Variants in UPF2 observed in about 807,000 individuals in gnomAD.
UPF2 encodes regulator of nonsense transcripts 2.
UPF2 carries 17 observed loss-of-function variants against 141.4 expected under a neutral mutation model. That is an observed-to-expected ratio of 0.12 (90% CI 0.08 to 0.18). The LOEUF is 0.18. Among genes scored for constraint, UPF2 ranks in the 10% least tolerant of loss-of-function variants. The probability of loss-of-function intolerance (pLI) is 1.00; values close to 1 mark genes in which losing one functional copy is unlikely to be tolerated. For missense variants in UPF2, 1,152 were observed against 1,515.9 expected, an observed-to-expected ratio of 0.76 and a Z score of 3.99; for synonymous variants, 540 against 498.0, an observed-to-expected ratio of 1.08 and a Z score of -1.12.
chr10:12,001,402 G>A (rs915730377), intron 6 of UPF2, among the ~76,000 whole-genome samples: 3 of 151,966 alleles, frequency 2.0e-5, no homozygotes, highest in Non-Finnish European at 2.9e-5. Flanking sequence ...GGACAAGAGT[G>A]AGACTTAGTT....
At position 11,959,629 on chromosome 10, in the gene UPF2, G is replaced by A. The variant is rs746151528; in HGVS notation, c.2185-273C>T. On this transcript the variant is annotated intron_variant, in intron 11 of 21. Coordinates refer to ENST00000357604, the MANE Select transcript of UPF2 (RefSeq NM_015542.4). This position sits in a 1 kb window ranked among gnomAD's most constrained non-coding sequence, Gnocchi z 5.9. The stretch of plus-strand genomic sequence containing the variant: ...ACAAAAATTAGCCAGGTGTGGTGGC[G>A]CACACCTGTAGTCCCAGCTACTTGG... 3.3e-5 allele frequency among the ~76,000 whole-genome samples: 5 copies of A among 151,910 alleles called. No homozygotes were observed. The highest frequency in any genetic ancestry group is 1.3e-4 in the Admixed American group (2 of 15,246).
At chr10:11,942,997 G>T in intron 17 of UPF2, 67 bp downstream of exon 17, 1 of 1,170,648 alleles carries the variant, frequency 8.5e-7, no homozygotes, top group South Asian at 1.4e-5. Flanking sequence ...TCAGTTTCGT[G>T]ACTAAAATTC....
intron 8 of UPF2, among the ~76,000 whole-genome samples, chr10:11,990,056 A>C (rs192617057): frequency 2.0e-5 from 3 of 152,372 alleles, no homozygotes; most frequent in Admixed American, 2.0e-4. Context: ...TTAATGTAAG[A>C]AAACATGAAC....
intron 11 of UPF2, among the ~76,000 whole-genome samples, chr10:11,963,212 T>A (rs377472836): frequency 1.3e-5 from 2 of 152,294 alleles, no homozygotes; most frequent in East Asian, 1.9e-4. Context: ...TTACAGCACC[T>A]ACGACACTGT....
In UPF2 at chr10:11,936,827, G is replaced by A. The variant is rs1316229225; in HGVS notation, c.3379-115C>T. ...TTCTTAAAACACAACAATCATAAGA[G>A]CCATAACAGTCAACAATTACAACCA... On this transcript the variant is annotated intron_variant, in intron 18 of 21. Coordinates refer to ENST00000357604, the MANE Select transcript of UPF2 (RefSeq NM_015542.4). The surrounding 1 kb of genome is among the most constrained non-coding windows in gnomAD (Gnocchi z 6.6). The A allele has an allele frequency of 9.9e-7, 1 of 1,008,722 alleles. No homozygotes were observed. Among genetic ancestry groups the A allele is most frequent in the African/African-American group, 1.7e-5 (1 of 60,052 alleles). The allele number at this position is 1,008,722 out of a possible 1,614,324, so 62.5% of individuals were successfully genotyped here. A position where few individuals can be genotyped will look rare whatever the true frequency, so the allele number is the denominator to read the frequency against.
intron 1 of UPF2, among the ~76,000 whole-genome samples, chr10:12,039,218 T>C (rs183795155): frequency 3.3e-5 from 5 of 152,326 alleles, no homozygotes; most frequent in Admixed American, 3.3e-4. Flanking sequence ...CCAAGTAACT[T>C]GACCAAGGCC....
At chr10:11,938,868 T>TTTTTTTTTTTTTTTTTTTTTTG (rs1832897282) in intron 18 of UPF2, among the ~76,000 whole-genome samples, 17 of 90,856 alleles carry the variant, frequency 1.9e-4, no homozygotes, top group African/African-American at 3.7e-4. Context: ...TTTTTTTTTT[T>TTTTTTTTTTTTTTTTTTTTTTG]TTTTTTTTTT....
At chr10:11,922,075 C>T (rs1243427361) in intron 21 of UPF2, among the ~76,000 whole-genome samples, 4 of 152,064 alleles carry the variant, frequency 2.6e-5, no homozygotes, top group East Asian at 1.9e-4. Flanking sequence ...AAGACAAAGG[C>T]GGAGACCAGG....
At chr10:11,957,122 G>C (rs1477476282) in intron 12 of UPF2, among the ~76,000 whole-genome samples, 2 of 151,830 alleles carry the variant, frequency 1.3e-5, no homozygotes, top group Non-Finnish European at 2.9e-5. Context: ...GCCCAGTATG[G>C]AGTAGGTCTT....
chr10:12,015,922 G>A (rs1186904665), intron 3 of UPF2, among the ~76,000 whole-genome samples: 1 of 151,984 alleles, frequency 6.6e-6, no homozygotes, highest in African/African-American at 2.4e-5. Flanking sequence ...TTAGTAAAAT[G>A]TTGAAATAGT....
intron 19 of UPF2, among the ~76,000 whole-genome samples, chr10:11,934,554 A>T (rs1832821482): frequency 6.6e-6 from 1 of 152,164 alleles, no homozygotes; most frequent in Non-Finnish European, 1.5e-5. Context: ...CATGCCGTGA[A>T]GTCTTTGCCA....
In UPF2 at chr10:11,979,291, G is replaced by A. The variant is rs963255387; in HGVS notation, c.1845-126C>T. On this transcript the variant is annotated intron_variant, in intron 8 of 21. Coordinates refer to ENST00000357604, the MANE Select transcript of UPF2 (RefSeq NM_015542.4). The surrounding 1 kb of genome is among the most constrained non-coding windows in gnomAD (Gnocchi z 6.2). ...TTAAAACTCATAATCATACAGACATGCCTATTTATTGCCATCATAAAGAAG... is the reference window on the plus strand; with the variant it reads ...TTAAAACTCATAATCATACAGACATACCTATTTATTGCCATCATAAAGAAG... 8.8e-6 allele frequency: 5 copies of A among 569,170 alleles called. No homozygotes were observed. Among genetic ancestry groups the A allele is most frequent in the Admixed American group, 3.3e-5 (1 of 30,082 alleles). 35.3% of individuals were successfully genotyped at this position (569,170 alleles called of 1,614,324 possible). A position where few individuals can be genotyped will look rare whatever the true frequency, so the allele number is the denominator to read the frequency against.
intron 9 of UPF2, among the ~76,000 whole-genome samples, chr10:11,973,516 A>C (rs1204858112): frequency 6.6e-6 from 1 of 152,146 alleles, no homozygotes; most frequent in Non-Finnish European, 1.5e-5. Flanking sequence ...TTATGGTTTT[A>C]GGTCTAATAT....
chr10:11,932,952 TA>T (rs1326015474), intron 19 of UPF2, among the ~76,000 whole-genome samples: 3 of 152,208 alleles, frequency 2.0e-5, no homozygotes, highest in African/African-American at 7.2e-5. Flanking sequence ...TTTGTTTGAA[TA>T]AAAAAGCTTT....
intron 6 of UPF2, among the ~76,000 whole-genome samples, chr10:12,000,725 G>A (rs1207508179): frequency 3.3e-5 from 5 of 152,184 alleles, no homozygotes; most frequent in African/African-American, 1.2e-4. Context: ...AGGATGACTT[G>A]AGCTCGGGAG....
intron 15 of UPF2, among the ~76,000 whole-genome samples, chr10:11,950,163 G>A (rs1833055096): frequency 6.6e-6 from 1 of 152,016 alleles, no homozygotes; most frequent in Non-Finnish European, 1.5e-5. Flanking sequence ...AAAAATTACT[G>A]TCATGAACAC....
intron 21 of UPF2, 35 bp downstream of exon 21, chr10:11,929,830 A>G: frequency 6.2e-7 from 1 of 1,604,442 alleles, no homozygotes; most frequent in Non-Finnish European, 8.5e-7. Context: ...CATCATGGAA[A>G]CAAACAGCTA....
At chr10:12,027,080 A>T (rs1834432146) in intron 3 of UPF2, among the ~76,000 whole-genome samples, 1 of 152,228 alleles carries the variant, frequency 6.6e-6, no homozygotes, top group South Asian at 2.1e-4. Flanking sequence ...CAGAAAAAAG[A>T]ACCAAATCAA....
rs11257435 is a variant in UPF2 at position 11,935,518 on chromosome 10, C to T, written c.3546+1027G>A. Among the ~76,000 whole-genome samples the T allele has an allele frequency of 0.065, 9,935 of 152,238 alleles. 562 individuals carry two copies. Among genetic ancestry groups the T allele is most frequent in the East Asian group, 0.25 (1,269 of 5,174 alleles). ...TCACTAAAGCAGAAAGAAATGCTGT[C>T]AGTTAACACAGGATTTCATGGACTC... On this transcript the variant is annotated intron_variant, in intron 19 of 21. Transcript: ENST00000357604. The surrounding 1 kb of genome is among the most constrained non-coding windows in gnomAD (Gnocchi z 4.9).
Sources: gnomAD v4.1 joint callset for allele counts (sites outside exome capture counted in the v4.1 genomes callset) on GRCh38, gnomAD v4.1.1 for gene constraint, Gnocchi (gnomAD v3.1) non-coding constraint, MANE v1.5 for transcripts, NCBI Gene and HGNC (gene_info 2026-07-23, HGNC 2026-07-21) for gene names.